Variants in ADAMTS12 observed in about 807,000 individuals in gnomAD.
The protein encoded by ADAMTS12 is ADAM metallopeptidase with thrombospondin type 1 motif 12, also known as A disintegrin and metalloproteinase with thrombospondin motifs 12.
A neutral mutation model predicts 167.8 loss-of-function variants in ADAMTS12; 118 were observed. The ratio of observed to expected loss-of-function variants is 0.70; its 90% CI spans 0.61 to 0.82. ADAMTS12 has a LOEUF of 0.82. Among genes scored for constraint, ADAMTS12 ranks in the 40% least tolerant of loss-of-function variants. The pLI is 0.00. For synonymous variants in ADAMTS12, 704 were observed against 716.9 expected (o/e 0.98, Z 0.29); for missense variants, 1,916 against 1,998.8 (o/e 0.96, Z 0.79).
intron 2 of ADAMTS12, among the ~76,000 whole-genome samples, chr5:33,753,559 G>T (rs894447655): frequency 6.6e-6 from 1 of 152,116 alleles, no homozygotes; most frequent in Non-Finnish European, 1.5e-5. Context: ...GGCCCTTAGT[G>T]TACCTGCTAT....
chr5:33,664,848 C>T (rs1741412168), intron 5 of ADAMTS12, among the ~76,000 whole-genome samples: 1 of 152,108 alleles, frequency 6.6e-6, no homozygotes, highest in African/African-American at 2.4e-5. Context: ...GCCATGTTCA[C>T]TGCAGAATTA....
chr5:33,581,383 C>T (rs1405855247), intron 18 of ADAMTS12, among the ~76,000 whole-genome samples: 1 of 152,192 alleles, frequency 6.6e-6, no homozygotes, highest in Non-Finnish European at 1.5e-5. Flanking sequence ...ATACAGGCCT[C>T]TTGTCGGGGA....
At chr5:33,859,617 T>C (rs2111684693) in intron 2 of ADAMTS12, among the ~76,000 whole-genome samples, 1 of 152,322 alleles carries the variant, frequency 6.6e-6, no homozygotes, top group South Asian at 2.1e-4. Flanking sequence ...CTGCTGGCTC[T>C]GAAGAGAGCA....
chr5:33,562,357 C>CG (rs1303739609), intron 19 of ADAMTS12, among the ~76,000 whole-genome samples: 1 of 152,076 alleles, frequency 6.6e-6, no homozygotes, highest in Non-Finnish European at 1.5e-5. Context: ...TCAGGTTTAG[C>CG]GGGGGGTCAC....
intron 1 of ADAMTS12, among the ~76,000 whole-genome samples, chr5:33,888,462 C>T (rs1750720099): frequency 6.6e-6 from 1 of 152,156 alleles, no homozygotes; most frequent in Non-Finnish European, 1.5e-5. Flanking sequence ...TTATAATCAA[C>T]ACAAAATATC....
intron 16 of ADAMTS12, among the ~76,000 whole-genome samples, chr5:33,601,119 G>GTGTA (rs1262817050): frequency 1.6e-4 from 24 of 151,502 alleles, no homozygotes; most frequent in Admixed American, 3.3e-4. Context: ...GTGTGTGTGT[G>GTGTA]TGTGTGTGTG....
At chr5:33,580,326 T>C (rs365376) in intron 18 of ADAMTS12, among the ~76,000 whole-genome samples, 32,241 of 152,066 alleles carry the variant, frequency 0.21, 3,516 homozygotes, top group Non-Finnish European at 0.24. Context: ...ACATCCTTCT[T>C]CACATGGCGG....
At chr5:33,541,348 C>G (rs775670352) in intron 22 of ADAMTS12, among the ~76,000 whole-genome samples, 3 of 152,166 alleles carry the variant, frequency 2.0e-5, no homozygotes, top group Non-Finnish European at 4.4e-5. Flanking sequence ...AAGACCAAAT[C>G]TACATTTGAT....
chr5:33,807,082 CCTCT>C (rs1747264612), intron 2 of ADAMTS12, among the ~76,000 whole-genome samples: 1 of 152,200 alleles, frequency 6.6e-6, no homozygotes, highest in South Asian at 2.1e-4. Flanking sequence ...TCTCCTCTGG[CCTCT>C]CTGTGTGTCT....
chr5:33,593,598 C>T (rs1747754254), intron 17 of ADAMTS12, among the ~76,000 whole-genome samples: 1 of 152,008 alleles, frequency 6.6e-6, no homozygotes, highest in African/African-American at 2.4e-5. Context: ...AATACCATGT[C>T]ATGTTCTGAC....
chr5:33,733,527 T>C (rs1213830930), intron 3 of ADAMTS12, among the ~76,000 whole-genome samples: 1 of 152,178 alleles, frequency 6.6e-6, no homozygotes, highest in Non-Finnish European at 1.5e-5. Context: ...CTGGAATACG[T>C]GGTCTTCAAA....
intron 2 of ADAMTS12, among the ~76,000 whole-genome samples, chr5:33,809,006 T>C (rs1232552330): frequency 2.6e-5 from 4 of 152,164 alleles, no homozygotes; most frequent in Admixed American, 6.5e-5. Context: ...TATCCATTTC[T>C]TTGCTTTCCA....
At chr5:33,696,871 G>A (rs1413657974) in intron 3 of ADAMTS12, among the ~76,000 whole-genome samples, 1 of 152,150 alleles carries the variant, frequency 6.6e-6, no homozygotes, top group Non-Finnish European at 1.5e-5. Context: ...TAGTCTCCTA[G>A]GCAGTTCTTT....
intron 3 of ADAMTS12, among the ~76,000 whole-genome samples, chr5:33,711,234 GCCACATCC>G (rs1743391955): frequency 6.6e-6 from 1 of 151,888 alleles, no homozygotes. Flanking sequence ...TCCTCTTCCA[GCCACATCC>G]CCACCTCCCC....
At chr5:33,611,205 T>C (rs1322342565) in intron 16 of ADAMTS12, among the ~76,000 whole-genome samples, 7 of 152,236 alleles carry the variant, frequency 4.6e-5, no homozygotes, top group African/African-American at 1.7e-4. Context: ...TGTATGGCTA[T>C]ACATATGCAT....
intron 2 of ADAMTS12, among the ~76,000 whole-genome samples, chr5:33,834,460 G>T (rs964218478): frequency 6.6e-6 from 1 of 152,162 alleles, no homozygotes; most frequent in East Asian, 1.9e-4. Flanking sequence ...ATTCTTGAGG[G>T]TTTCCATCAG....
intron 18 of ADAMTS12, among the ~76,000 whole-genome samples, chr5:33,585,136 G>T (rs1050001087): frequency 6.6e-6 from 1 of 152,022 alleles, no homozygotes; most frequent in Non-Finnish European, 1.5e-5. Flanking sequence ...TAAACCATTG[G>T]AGCCATGATT....
At chr5:33,578,208 AT>A (rs1746859312) in intron 18 of ADAMTS12, among the ~76,000 whole-genome samples, 3 of 152,244 alleles carry the variant, frequency 2.0e-5, no homozygotes, top group South Asian at 4.1e-4. Flanking sequence ...CTCAAAGCAC[AT>A]TTCTTAAGGA....
At chr5:33,583,548 A>G (rs1561145368) in intron 18 of ADAMTS12, among the ~76,000 whole-genome samples, 1 of 152,178 alleles carries the variant, frequency 6.6e-6, no homozygotes, top group Non-Finnish European at 1.5e-5. Context: ...CTTAACTTTT[A>G]CGTTTTTGAG....
Sources: gnomAD v4.1 joint callset for allele counts (sites outside exome capture counted in the v4.1 genomes callset) on GRCh38, gnomAD v4.1.1 for gene constraint, MANE v1.5 for transcripts, NCBI Gene and HGNC (gene_info 2026-07-23, HGNC 2026-07-21) for gene names.